The following RAPGEF4 variants were observed in gnomAD, a reference collection of about 807,000 sequenced individuals.
RAPGEF4 encodes Rap guanine nucleotide exchange factor 4, also known as RAP guanine-nucleotide-exchange factor (GEF) 4.
A neutral mutation model predicts 147.9 loss-of-function variants in RAPGEF4; 66 were observed. The observed-to-expected ratio is 0.45, with a 90% CI of 0.37 to 0.55. RAPGEF4 has a LOEUF of 0.55. Ranked by LOEUF, RAPGEF4 falls within the 20% of genes least tolerant of loss-of-function variation. RAPGEF4 has a pLI of 0.00. For missense variants in RAPGEF4, 1,071 were observed against 1,257.3 expected (o/e 0.85, Z 2.24); for synonymous variants, 419 against 442.7 (o/e 0.95, Z 0.67).
intron 21 of RAPGEF4, 78 bp from the exon 22 acceptor site, chr2:173,018,578 C>A: frequency 1.4e-6 from 2 of 1,458,844 alleles, no homozygotes; most frequent in Non-Finnish European, 1.9e-6. Context: ...GGAGAGGATG[C>A]CTAAACATTT....
rs1181146105 is a variant in RAPGEF4, at chr2:172,878,389, C to T, written c.445-39413C>T. 2.0e-5 allele frequency among the ~76,000 whole-genome samples: 3 copies of T among 152,156 alleles called. No homozygotes were observed. In the East Asian group the frequency reaches 5.8e-4, roughly 29 times the overall value. ...GTGAGTTTGTATCCAGAAGGATTCT[C>T]TGTGACAGTCTTATTTCTAGGAGAG... On this transcript the variant is annotated intron_variant, in intron 4 of 30. Transcript: ENST00000397081.
chr2:173,045,373 C>T (rs1446087920), intron 29 of RAPGEF4, among the ~76,000 whole-genome samples: 1 of 152,188 alleles, frequency 6.6e-6, no homozygotes, highest in Non-Finnish European at 1.5e-5. Context: ...ATCATAATTT[C>T]TCTGCACTTT....
intron 6 of RAPGEF4, among the ~76,000 whole-genome samples, chr2:172,931,172 T>TTGGG (rs112366465): frequency 3.1e-4 from 2 of 6,376 alleles, no homozygotes; most frequent in South Asian, 0.012. Context: ...CAGGCCGGGG[T>TTGGG]GGGGGGGGGG....
intron 17 of RAPGEF4, among the ~76,000 whole-genome samples, chr2:173,011,865 A>AG (rs397771634): frequency 6.6e-6 from 1 of 151,506 alleles, no homozygotes; most frequent in Non-Finnish European, 1.5e-5. Flanking sequence ...AAAAAAAAAA[A>AG]CCACATTAGC....
chr2:172,922,224 C>T lies in RAPGEF4; in HGVS notation c.518-57C>T. ...TTGGTTCAGCAAAATTTCAATTCCA[C>T]TTTACCGGTTGATTATACAATTCAT... On this transcript the variant is annotated intron_variant, in intron 5 of 30. Transcript: ENST00000397081. 31 of 1,551,324 alleles carry T rather than the reference C, an allele frequency of 2.0e-5. No individual in the cohort carries two copies. In the South Asian group the frequency reaches 3.5e-4, roughly 18 times the overall value.
At chr2:172,799,669 T>G (rs1276317592) in intron 3 of RAPGEF4, among the ~76,000 whole-genome samples, 1 of 151,254 alleles carries the variant, frequency 6.6e-6, no homozygotes. Context: ...CCTGAATGAG[T>G]GATAATGGAG....
At chr2:173,051,051 G>A (rs566203032) in intron 30 of RAPGEF4, among the ~76,000 whole-genome samples, 4 of 152,282 alleles carry the variant, frequency 2.6e-5, no homozygotes, top group Non-Finnish European at 4.4e-5. Context: ...AGAATCAAAC[G>A]TCTAGCAGAA....
intron 11 of RAPGEF4, among the ~76,000 whole-genome samples, chr2:172,984,881 G>C (rs113458590): frequency 4.8e-4 from 73 of 152,276 alleles, no homozygotes; most frequent in African/African-American, 1.8e-3. Flanking sequence ...TTCTTAGGAA[G>C]ATAGAGCCAT....
intron 6 of RAPGEF4, among the ~76,000 whole-genome samples, chr2:172,936,855 TAA>T (rs540556665): frequency 3.9e-4 from 60 of 151,900 alleles, no homozygotes; most frequent in African/African-American, 1.2e-3. Flanking sequence ...TCTTTATATA[TAA>T]GAGTATTTTC....
intron 4 of RAPGEF4, among the ~76,000 whole-genome samples, chr2:172,832,512 AC>A (rs1365958854): frequency 6.6e-6 from 1 of 152,164 alleles, no homozygotes; most frequent in Admixed American, 6.5e-5. Flanking sequence ...GTAAAGAAAA[AC>A]CCACATTTTA....
chr2:172,867,324 T>C (rs2149797486), intron 4 of RAPGEF4, among the ~76,000 whole-genome samples: 1 of 152,348 alleles, frequency 6.6e-6, no homozygotes, highest in South Asian at 2.1e-4. Flanking sequence ...GTATTTTGGA[T>C]AAATAAATCT....
chr2:172,894,999 A>G (rs1698326756), intron 4 of RAPGEF4, among the ~76,000 whole-genome samples: 1 of 151,902 alleles, frequency 6.6e-6, no homozygotes, highest in African/African-American at 2.4e-5. Flanking sequence ...GCCAAGCAGA[A>G]GAACTGATTT....
chr2:172,738,989 C>T (rs1012227336), intron 1 of RAPGEF4, among the ~76,000 whole-genome samples: 1 of 152,108 alleles, frequency 6.6e-6, no homozygotes, highest in East Asian at 1.9e-4. Flanking sequence ...ACAATATTTG[C>T]AAGTGGGGAA....
intron 4 of RAPGEF4, among the ~76,000 whole-genome samples, chr2:172,883,931 T>C (rs1232583959): frequency 6.6e-6 from 1 of 152,186 alleles, no homozygotes; most frequent in Non-Finnish European, 1.5e-5. Context: ...AAAGTTATTT[T>C]GGAGGAGAGA....
intron 6 of RAPGEF4, among the ~76,000 whole-genome samples, chr2:172,956,349 T>C (rs533391621): frequency 6.6e-6 from 1 of 152,206 alleles, no homozygotes; most frequent in Admixed American, 6.5e-5. Context: ...GTAAATACAA[T>C]GAATGGTTTC....
At chr2:172,979,756 C>T (rs114592887) in intron 10 of RAPGEF4, among the ~76,000 whole-genome samples, 2,217 of 152,250 alleles carry the variant, frequency 0.015, 65 homozygotes, top group African/African-American at 0.05. Flanking sequence ...TGTCTGATGC[C>T]TGTAATCCCA....
intron 1 of RAPGEF4, among the ~76,000 whole-genome samples, chr2:172,777,061 G>A (rs1684238720): frequency 6.6e-6 from 1 of 152,036 alleles, no homozygotes; most frequent in African/African-American, 2.4e-5. Flanking sequence ...TTTTAAAAAA[G>A]ATCAGCTTCC....
At position 172,917,766 on chromosome 2, in the gene RAPGEF4, ATATCTGTGTGTTGAGTTTAC is replaced by A. The variant is rs1684231903; in HGVS notation, c.445-35_445-16del. The A allele has an allele frequency of 6.5e-7, 1 of 1,544,450 alleles. No homozygotes were observed. On this transcript the variant is annotated splice_polypyrimidine_tract_variant and intron_variant, in intron 4 of 30. Coordinates refer to ENST00000397081, the MANE Select transcript of RAPGEF4 (RefSeq NM_007023.4). ...ATAAATGAATGCTCAAAGCAAGTAA[ATATCTGTGTGTTGAGTTTAC>A]AATCTTGTCTTTCAGAAATATCGAC...
intron 29 of RAPGEF4, among the ~76,000 whole-genome samples, chr2:173,041,392 A>G (rs1684743984): frequency 6.6e-6 from 1 of 152,218 alleles, no homozygotes; most frequent in African/African-American, 2.4e-5. Flanking sequence ...AGGCCAGGCT[A>G]AATGCAGATT....
Sources: allele counts gnomAD v4.1 joint callset (sites outside exome capture counted in the v4.1 genomes callset), GRCh38; gene constraint gnomAD v4.1.1; transcripts MANE v1.5; gene names NCBI Gene and HGNC (gene_info 2026-07-23, HGNC 2026-07-21).